The following CACNA1G variants were observed in gnomAD, a reference collection of about 807,000 sequenced individuals.
CACNA1G encodes voltage-dependent T-type calcium channel subunit alpha-1G.
A neutral mutation model predicts 219.4 loss-of-function variants in CACNA1G; 67 were observed. The observed-to-expected ratio is 0.31, with a 90% CI of 0.25 to 0.37. The LOEUF is 0.37. Ranked by LOEUF, CACNA1G falls within the 10% of genes least tolerant of loss-of-function variation. The pLI, the probability that CACNA1G is intolerant of heterozygous loss-of-function variation, is 1.00. For synonymous variants in CACNA1G, 1,296 were observed against 1,345.3 expected (o/e 0.96, Z 0.80); for missense variants, 2,380 against 3,231.4 (o/e 0.74, Z 6.39).
At position 50,561,457 on chromosome 17, in the gene CACNA1G, A is replaced by C; in HGVS notation, c.-3A>C. On this transcript the variant is annotated 5_prime_UTR_variant, in exon 1 of 38. Transcript: ENST00000359106. Reference sequence around the variant, plus strand: ...ATCGCCCGGGGCCCCGGCTGGCCAGAGGATGGACGAGGAGGAGGATGGAGC... The same window carrying C: ...ATCGCCCGGGGCCCCGGCTGGCCAGCGGATGGACGAGGAGGAGGATGGAGC... 1 of 1,533,964 alleles carries C rather than the reference A, an allele frequency of 6.5e-7. No individual in the cohort carries two copies. Among genetic ancestry groups the C allele is most frequent in the Non-Finnish European group, 8.7e-7 (1 of 1,146,476 alleles).
rs76051856 is a variant in CACNA1G, at chr17:50,603,412, T to A, written c.4169+213T>A. Among the ~76,000 whole-genome samples the A allele has an allele frequency of 1.3e-5, 2 of 152,242 alleles. No individual in the cohort carries two copies. Among genetic ancestry groups the A allele is most frequent in the African/African-American group, 4.8e-5 (2 of 41,518 alleles). ...CAGGTGCACACCTGCTTTCCTCCTC[T>A]TCAACATGACATATTCCTCAGGGCC... On this transcript the variant is annotated intron_variant, in intron 21 of 37. Coordinates refer to ENST00000359106, the MANE Select transcript of CACNA1G (RefSeq NM_018896.5). This position sits in a 1 kb window ranked among gnomAD's most constrained non-coding sequence, Gnocchi z 6.4.
intron 9 of CACNA1G, among the ~76,000 whole-genome samples, chr17:50,589,912 C>CTCTCTCTGTGTGTGTGTG (rs1326523232): frequency 7.1e-6 from 1 of 141,836 alleles, no homozygotes; most frequent in African/African-American, 2.8e-5. Context: ...CTCTCTCTCT[C>CTCTCTCTGTGTGTGTGTG]TGTGTGTGTG....
In CACNA1G at chr17:50,596,721, C is replaced by T; in HGVS notation, c.3065-9C>T. 1 of 1,613,398 alleles carries T rather than the reference C, an allele frequency of 6.2e-7. No homozygotes were observed. On this transcript the variant is annotated splice_polypyrimidine_tract_variant and intron_variant, in intron 15 of 37. Coordinates refer to ENST00000359106, the MANE Select transcript of CACNA1G (RefSeq NM_018896.5). The surrounding 1 kb of genome is among the most constrained non-coding windows in gnomAD (Gnocchi z 4.8). ...TGGACTCGGGATCTCTCCCTCTCTC[C>T]CCGTGCAGTGGTGTCCCTGGGAGAG...
Position 50,578,409 on chromosome 17 carries a change from C to G in CACNA1G, c.2146C>G (p.Leu716Val). Residue 716 changes from leucine to valine, a missense_variant, in exon 9 of 38, where the codon CTG becomes GTG. Leu to Val is a conservative substitution (Grantham distance 32). Coordinates refer to ENST00000359106, the MANE Select transcript of CACNA1G (RefSeq NM_018896.5). This position sits in a 1 kb window ranked among gnomAD's most constrained non-coding sequence, Gnocchi z 4.5. ...RDPHSRRQRS[L>V]GPDAEPSSVL... is the part of the protein sequence containing the mutation. Reference sequence around the variant, plus strand: ...CCCCCACAGCCGGCGGCAACGGAGCCTGGGCCCAGATGCAGAGCCCAGCTC... The same window carrying G: ...CCCCCACAGCCGGCGGCAACGGAGCGTGGGCCCAGATGCAGAGCCCAGCTC... 2 of 1,613,382 alleles carry G rather than the reference C, an allele frequency of 1.2e-6. No individual in the cohort carries two copies. Among genetic ancestry groups the G allele is most frequent in the South Asian group, 2.2e-5 (2 of 91,066 alleles).
chr17:50,594,723 T>C (rs1172365593), intron 13 of CACNA1G, among the ~76,000 whole-genome samples: 1 of 152,136 alleles, frequency 6.6e-6, no homozygotes, highest in African/African-American at 2.4e-5. Flanking sequence ...GTGGCTGTTA[T>C]TATTAGGATT....
Position 50,569,686 on chromosome 17 carries a change from C to G in CACNA1G, c.489-20C>G, listed in dbSNP as rs1469421563. On this transcript the variant is annotated intron_variant, in intron 3 of 37. Transcript: ENST00000359106. ...GTGGCCTCAGACTCAAAGGGCCTCC[C>G]TTTGGGCCCCTCCCTGCAGGATGCT... 2 of 1,539,704 alleles carry G rather than the reference C, an allele frequency of 1.3e-6. No individual in the cohort carries two copies. Among genetic ancestry groups the G allele is most frequent in the East Asian group, 4.9e-5 (2 of 40,798 alleles).
intron 9 of CACNA1G, among the ~76,000 whole-genome samples, chr17:50,583,119 C>A (rs2042291025): frequency 6.6e-6 from 1 of 152,124 alleles, no homozygotes; most frequent in Admixed American, 6.5e-5. Flanking sequence ...TGCCTGGACA[C>A]CCTAAATGTG....
At chr17:50,564,931 T>C (rs1320347382) in intron 1 of CACNA1G, among the ~76,000 whole-genome samples, 1 of 151,996 alleles carries the variant, frequency 6.6e-6, no homozygotes, top group Non-Finnish European at 1.5e-5. Flanking sequence ...ACACATTCCT[T>C]CCCACCCGCT....
Position 50,600,856 on chromosome 17 carries a change from G to C in CACNA1G, c.3791+30G>C. On this transcript the variant is annotated intron_variant, in intron 18 of 37. Coordinates refer to ENST00000359106, the MANE Select transcript of CACNA1G (RefSeq NM_018896.5). This position sits in a 1 kb window ranked among gnomAD's most constrained non-coding sequence, Gnocchi z 4.1. ...GTGACAGGGCAGGGGTCTGACCTGTGTCCCGACCTCTTCTTCTCACGGGAA... is the reference window on the plus strand; with the variant it reads ...GTGACAGGGCAGGGGTCTGACCTGTCTCCCGACCTCTTCTTCTCACGGGAA... 1 of 1,586,074 alleles carries C rather than the reference G, an allele frequency of 6.3e-7. No individual in the cohort carries two copies. The highest frequency in any genetic ancestry group is 8.7e-7 in the Non-Finnish European group (1 of 1,154,820).
rs770616342 is a variant in CACNA1G, at chr17:50,569,012, GT to G, written c.354+32del. The G allele has an allele frequency of 8.6e-5, 125 of 1,445,678 alleles. No individual in the cohort carries two copies. The African/African-American group carries it at 1.8e-3, about 21-fold the overall frequency. 89.6% of individuals were successfully genotyped at this position (1,445,678 alleles called of 1,614,324 possible). Reference sequence around the variant, plus strand: ...TGTGTGTGTGTGTGTGTGTGTGTGTGTGTTGTGTGTGTTGGGGGTTGGCCCC... The same window carrying G: ...TGTGTGTGTGTGTGTGTGTGTGTGTGGTTGTGTGTGTTGGGGGTTGGCCCC... On this transcript the variant is annotated intron_variant, in intron 2 of 37. Transcript: ENST00000359106.
chr17:50,617,335 G>A lies in CACNA1G; in HGVS notation c.5022-103G>A, dbSNP rs995945705. The A allele has an allele frequency of 3.8e-6, 5 of 1,306,800 alleles. No individual in the cohort carries two copies. In the African/African-American group the frequency reaches 5.9e-5, roughly 15 times the overall value. The allele number at this position is 1,306,800 out of a possible 1,614,324, so 81.0% of individuals were successfully genotyped here. On this transcript the variant is annotated intron_variant, in intron 28 of 37. Transcript: ENST00000359106. This position sits in a 1 kb window ranked among gnomAD's most constrained non-coding sequence, Gnocchi z 5.8. ...TGTGGGATGGGAGGCTGGACCCGCTGATGTCTGCCCTCCTTTCAAGCCCTG... is the reference window on the plus strand; with the variant it reads ...TGTGGGATGGGAGGCTGGACCCGCTAATGTCTGCCCTCCTTTCAAGCCCTG...
At position 50,602,899 on chromosome 17, in the gene CACNA1G, C is replaced by A. The variant is rs763758356; in HGVS notation, c.3984+11C>A. On this transcript the variant is annotated intron_variant, in intron 20 of 37. Transcript: ENST00000359106. ...GAAATGACAGTGAAGGTGATGGGGGCTGGTGTTGGCTTGGGACCTCTGGTT... is the reference window on the plus strand; with the variant it reads ...GAAATGACAGTGAAGGTGATGGGGGATGGTGTTGGCTTGGGACCTCTGGTT... The A allele has an allele frequency of 6.2e-7, 1 of 1,610,668 alleles. No individual in the cohort carries two copies.
chr17:50,591,355 G>A (rs1394464504), intron 10 of CACNA1G, 80 bp from the exon 11 acceptor site: 1 of 1,372,810 alleles, frequency 7.3e-7, no homozygotes, highest in Non-Finnish European at 9.6e-7. Flanking sequence ...CAGGCCCTTG[G>A]GTGCTACTGA....
At chr17:50,612,433 C>T (rs1305175671) in intron 26 of CACNA1G, among the ~76,000 whole-genome samples, 3 of 152,240 alleles carry the variant, frequency 2.0e-5, no homozygotes, top group African/African-American at 2.4e-5. Context: ...GGCTGCCCCA[C>T]GGGACGGCTA....
In CACNA1G at chr17:50,590,453, TC is replaced by T; in HGVS notation, c.2302-15del. The T allele has an allele frequency of 6.2e-7, 1 of 1,613,188 alleles. No individual in the cohort carries two copies. The highest frequency in any genetic ancestry group is 8.5e-7 in the Non-Finnish European group (1 of 1,179,746). On this transcript the variant is annotated splice_polypyrimidine_tract_variant and intron_variant, in intron 9 of 37. Coordinates refer to ENST00000359106, the MANE Select transcript of CACNA1G (RefSeq NM_018896.5). Reference sequence around the variant, plus strand: ...TCAGTGATAAGCCAGCTGCCTCACATCCCACCCTGCCCTGCAGCCCGAGGAG... The same window carrying T: ...TCAGTGATAAGCCAGCTGCCTCACATCCACCCTGCCCTGCAGCCCGAGGAG...
chr17:50,601,694 A>G lies in CACNA1G; in HGVS notation c.3915+520A>G, dbSNP rs531118687. Reference sequence around the variant, plus strand: ...AGAAGGAGAGCCAGAGGCCCTGGACATACCGCCCCAGGGTCGAACCCCTTC... The same window carrying G: ...AGAAGGAGAGCCAGAGGCCCTGGACGTACCGCCCCAGGGTCGAACCCCTTC... On this transcript the variant is annotated intron_variant, in intron 19 of 37. Transcript: ENST00000359106. Among the ~76,000 whole-genome samples, 216 of 152,258 alleles carry G rather than the reference A, an allele frequency of 1.4e-3. 2 individuals are homozygous for G. Among genetic ancestry groups the G allele is most frequent in the Middle Eastern group, 0.01 (3 of 294 alleles).
At chr17:50,592,645 T>C (rs1055665652) in intron 13 of CACNA1G, among the ~76,000 whole-genome samples, 4 of 152,218 alleles carry the variant, frequency 2.6e-5, no homozygotes, top group African/African-American at 9.6e-5. Flanking sequence ...ACAGGCAGCG[T>C]CATCAATTAA....
At chr17:50,608,079 C>A in intron 25 of CACNA1G, 60 bp downstream of exon 25, 1 of 1,499,412 alleles carries the variant, frequency 6.7e-7, no homozygotes. Flanking sequence ...TCGTGCTTGA[C>A]CTTGGCCTTG....
chr17:50,578,465 C>T lies in CACNA1G; in HGVS notation c.2202C>T (p.Asp734=), dbSNP rs754306988. The T allele has an allele frequency of 3.8e-6, 6 of 1,596,418 alleles. No homozygotes were observed. In the Middle Eastern group the frequency reaches 5.0e-4, roughly 134 times the overall value. The change falls in exon 9 of 38, where the codon GAC becomes GAT. Residue 734 remains aspartate (D), a synonymous_variant. Coordinates refer to ENST00000359106, the MANE Select transcript of CACNA1G (RefSeq NM_018896.5). The surrounding 1 kb of genome is among the most constrained non-coding windows in gnomAD (Gnocchi z 4.5). The part of the protein sequence containing the change: ...SVLAFWRLIC[D]TFRKIVDSKY... The stretch of plus-strand genomic sequence containing the variant: ...TGGCCTTCTGGAGGCTAATCTGTGA[C>T]ACCTTCCGAAAGATTGTGGACAGCA...
Sources: allele counts gnomAD v4.1 joint callset (sites outside exome capture counted in the v4.1 genomes callset), GRCh38; gene constraint gnomAD v4.1.1; non-coding constraint Gnocchi (gnomAD v3.1); transcripts MANE v1.5; gene names NCBI Gene and HGNC (gene_info 2026-07-23, HGNC 2026-07-21).